CHSY1: variants seen among roughly 807,000 people sequenced by gnomAD.
CHSY1 encodes N-acetylgalactosaminyl-proteoglycan 3-beta-glucuronosyltransferase 1.
In CHSY1, 13 loss-of-function variants were observed where a neutral mutation model predicts 59.8. The ratio of observed to expected loss-of-function variants is 0.22; its 90% CI spans 0.14 to 0.35. The LOEUF (loss-of-function observed/expected upper bound fraction) is 0.35, where lower values mean the gene tolerates loss of function less well. Among genes scored for constraint, CHSY1 ranks in the 10% least tolerant of loss-of-function variants. The pLI, the probability that CHSY1 is intolerant of heterozygous loss-of-function variation, is 1.00. For synonymous variants in CHSY1, 459 were observed against 401.2 expected (o/e 1.14, Z -1.72); for missense variants, 947 against 1,030.6 (o/e 0.92, Z 1.11).
chr15:101,206,739 C>T (rs940472318), intron 2 of CHSY1, among the ~76,000 whole-genome samples: 1 of 152,200 alleles, frequency 6.6e-6, no homozygotes, highest in African/African-American at 2.4e-5. Context: ...ATTTTCCCTA[C>T]ACAGAAGCAG....
chr15:101,177,008 G>A lies in CHSY1; in HGVS notation c.*380C>T, dbSNP rs943855940. On this transcript the variant is annotated 3_prime_UTR_variant, in exon 3 of 3. Coordinates refer to ENST00000254190, the MANE Select transcript of CHSY1 (RefSeq NM_014918.5). ...ACACAAAAGGTAGAATCTGTGGAAT[G>A]TTAACAATCACAACAGAACATTTAC... The A allele has an allele frequency of 5.9e-6, 1 of 168,602 alleles. No homozygotes were observed. Among genetic ancestry groups the A allele is most frequent in the Non-Finnish European group, 1.3e-5 (1 of 79,090 alleles). 10.4% of individuals were successfully genotyped at this position (168,602 alleles called of 1,614,324 possible).
intron 1 of CHSY1, among the ~76,000 whole-genome samples, chr15:101,239,095 G>A (rs1054684990): frequency 2.0e-5 from 3 of 152,164 alleles, no homozygotes; most frequent in Admixed American, 2.0e-4. Flanking sequence ...CCCTGATAAT[G>A]CTCTCTTTAT....
chr15:101,215,460 CGT>C lies in CHSY1; in HGVS notation c.816+19620_816+19621del, dbSNP rs534724882. On this transcript the variant is annotated intron_variant, in intron 2 of 2. Coordinates refer to ENST00000254190, the MANE Select transcript of CHSY1 (RefSeq NM_014918.5). ...CTATAATTTTTAAATATAGGCCACG[CGT>C]GGTGGCTCACGCCTGTAATCCCAGC... Among the ~76,000 whole-genome samples the C allele has an allele frequency of 2.3e-3, 355 of 152,340 alleles. 2 individuals carry two copies. Among genetic ancestry groups the C allele is most frequent in the African/African-American group, 8.1e-3 (336 of 41,580 alleles).
intron 2 of CHSY1, among the ~76,000 whole-genome samples, chr15:101,182,574 G>T (rs911546560): frequency 9.2e-5 from 14 of 152,352 alleles, no homozygotes; most frequent in African/African-American, 3.1e-4. Context: ...GTGGTGAGGT[G>T]CAAGTCTGAT....
In CHSY1 at chr15:101,251,493, G is replaced by GCCGC; in HGVS notation, c.-38_-37insGCGG. The GCCGC allele has an allele frequency of 4.3e-4, 21 of 48,430 alleles. No individual in the cohort carries two copies. The highest frequency in any genetic ancestry group is 2.0e-3 in the East Asian group (2 of 978). The allele number at this position is 48,430 out of a possible 1,614,324, so 3.0% of individuals were successfully genotyped here. A position where few individuals can be genotyped will look rare whatever the true frequency, so the allele number is the denominator to read the frequency against. On this transcript the variant is annotated 5_prime_UTR_variant, in exon 1 of 3. Coordinates refer to ENST00000254190, the MANE Select transcript of CHSY1 (RefSeq NM_014918.5). ...TCCGCCCGCCGGGCCGCCGCCGCAG[G>GCCGC]CTCCGCGCGCCCTCAGCCCGCTGCC...
chr15:101,229,606 A>G (rs926301942), intron 2 of CHSY1, among the ~76,000 whole-genome samples: 4 of 152,330 alleles, frequency 2.6e-5, no homozygotes, highest in African/African-American at 9.6e-5. Flanking sequence ...AGAATTCAAC[A>G]ATAACATTAG....
chr15:101,249,004 C>A (rs796761024), intron 1 of CHSY1, among the ~76,000 whole-genome samples: 6 of 148,108 alleles, frequency 4.1e-5, no homozygotes, highest in Non-Finnish European at 8.9e-5. Flanking sequence ...GGGGTTTCAC[C>A]GTGTTAGCCA....
rs1435403494 is a variant in CHSY1, at chr15:101,251,769, G to A, written c.-313C>T. The A allele has an allele frequency of 6.7e-6, 1 of 149,792 alleles. No homozygotes were observed. The highest frequency in any genetic ancestry group is 2.4e-5 in the African/African-American group (1 of 41,160). The allele number at this position is 149,792 out of a possible 1,614,324, so 9.3% of individuals were successfully genotyped here. A position where few individuals can be genotyped will look rare whatever the true frequency, so the allele number is the denominator to read the frequency against. ...CTCCCGCTCGCGCGCGGGGACGCGG[G>A]GCCGGCACGACGGCGACGACGGCGG... On this transcript the variant is annotated 5_prime_UTR_variant, in exon 1 of 3. Transcript: ENST00000254190.
chr15:101,197,481 C>T (rs2038521250), intron 2 of CHSY1, among the ~76,000 whole-genome samples: 2 of 152,282 alleles, frequency 1.3e-5, no homozygotes, highest in Middle Eastern at 6.8e-3. Context: ...GACTGATCTG[C>T]TGGTTTATAC....
intron 2 of CHSY1, among the ~76,000 whole-genome samples, chr15:101,200,131 G>A (rs79273386): frequency 0.022 from 3,358 of 152,196 alleles, 54 homozygotes; most frequent in East Asian, 0.1. Context: ...CTTATCATCC[G>A]GGAACTAAGA....
Position 101,221,181 on chromosome 15 carries a change from G to A in CHSY1, c.816+13901C>T, listed in dbSNP as rs144329676. 5.6e-3 allele frequency among the ~76,000 whole-genome samples: 847 copies of A among 152,286 alleles called. 5 individuals are homozygous for A. Among genetic ancestry groups the A allele is most frequent in the South Asian group, 0.014 (67 of 4,820 alleles). Reference sequence around the variant, plus strand: ...AGCAGGGCCTGTCACACGCAGGTACGCAGACAAATTTTTAAAAATATATAT... The same window carrying A: ...AGCAGGGCCTGTCACACGCAGGTACACAGACAAATTTTTAAAAATATATAT... On this transcript the variant is annotated intron_variant, in intron 2 of 2. Coordinates refer to ENST00000254190, the MANE Select transcript of CHSY1 (RefSeq NM_014918.5).
chr15:101,205,635 G>T (rs1166266614), intron 2 of CHSY1, among the ~76,000 whole-genome samples: 1 of 152,128 alleles, frequency 6.6e-6, no homozygotes, highest in Non-Finnish European at 1.5e-5. Context: ...TGCTTATTCT[G>T]CTCTAAGTGA....
At chr15:101,220,960 G>A (rs982981431) in intron 2 of CHSY1, among the ~76,000 whole-genome samples, 1 of 151,916 alleles carries the variant, frequency 6.6e-6, no homozygotes, top group Non-Finnish European at 1.5e-5. Flanking sequence ...TATTGCTTCA[G>A]ACTCAGTGCC....
chr15:101,251,093 G>A (rs1290141450), intron 1 of CHSY1, 44 bp downstream of exon 1: 6 of 1,525,362 alleles, frequency 3.9e-6, no homozygotes, highest in South Asian at 1.2e-5. Flanking sequence ...CCGGCCGCCG[G>A]GATGCCGGAC....
intron 2 of CHSY1, among the ~76,000 whole-genome samples, chr15:101,182,064 C>T (rs2038287825): frequency 6.6e-6 from 1 of 152,146 alleles, no homozygotes. Context: ...TGTCTGTTTA[C>T]AAAATCAACC....
At position 101,178,927 on chromosome 15, in the gene CHSY1, T is replaced by C; in HGVS notation, c.870A>G (p.Arg290=). 2 of 1,614,138 alleles carry C rather than the reference T, an allele frequency of 1.2e-6. No individual in the cohort carries two copies. Among genetic ancestry groups the C allele is most frequent in the Middle Eastern group, 1.6e-4 (1 of 6,062 alleles). ...NYEQNKKGYI[R]DLHNSKIHQA... ...GGTGAATTTTACTGTTATGGAGATC[T>C]CTAATGTACCCCTTTTTGTTCTGCT... Residue 290 remains arginine (R), a synonymous_variant, in exon 3 of 3, where the codon AGA becomes AGG. Transcript: ENST00000254190.
At chr15:101,239,373 G>A (rs2038978895) in intron 1 of CHSY1, among the ~76,000 whole-genome samples, 1 of 152,202 alleles carries the variant, frequency 6.6e-6, no homozygotes, top group African/African-American at 2.4e-5. Context: ...GACAATTCCT[G>A]CCTTCAAAGA....
intron 1 of CHSY1, among the ~76,000 whole-genome samples, chr15:101,250,419 C>T (rs541044333): frequency 2.6e-5 from 4 of 152,328 alleles, no homozygotes; most frequent in African/African-American, 7.2e-5. Flanking sequence ...CTTTGTTAAA[C>T]CTGAACACAA....
At position 101,222,759 on chromosome 15, in the gene CHSY1, C is replaced by G. The variant is rs558603691; in HGVS notation, c.816+12323G>C. 9.9e-5 allele frequency among the ~76,000 whole-genome samples: 15 copies of G among 152,272 alleles called. 1 individual carries two copies. The East Asian group carries it at 2.7e-3, about 27-fold the overall frequency. On this transcript the variant is annotated intron_variant, in intron 2 of 2. Transcript: ENST00000254190. ...TGGATTTGGGGAAGACTATGCAGAG[C>G]TGATGTGTCTTTCTCATGCCATCAT... is the stretch of plus-strand genomic sequence containing the variant.
Sources: allele counts gnomAD v4.1 joint callset (sites outside exome capture counted in the v4.1 genomes callset), GRCh38; gene constraint gnomAD v4.1.1; transcripts MANE v1.5; gene names NCBI Gene and HGNC (gene_info 2026-07-23, HGNC 2026-07-21).